The following SCAMP1 variants were observed in gnomAD, a reference collection of about 807,000 sequenced individuals.
SCAMP1 encodes secretory carrier-associated membrane protein 1.
In SCAMP1, 15 loss-of-function variants were observed where a neutral mutation model predicts 41.8. The observed-to-expected ratio is 0.36, with a 90% CI of 0.24 to 0.55. The LOEUF (loss-of-function observed/expected upper bound fraction) is 0.55. Ranked by LOEUF, SCAMP1 falls within the 20% of genes least tolerant of loss-of-function variation. SCAMP1 has a pLI of 0.86. For synonymous variants in SCAMP1, 135 were observed against 136.8 expected (o/e 0.99, Z 0.09); for missense variants, 341 against 412.6 (o/e 0.83, Z 1.50).
intron 6 of SCAMP1, among the ~76,000 whole-genome samples, chr5:78,443,753 G>T (rs1388811211): frequency 7.1e-6 from 1 of 140,856 alleles, no homozygotes. Flanking sequence ...TTATTTTCCA[G>T]GCTCAAATGA....
At chr5:78,364,247 AGT>A (rs748088477) in intron 1 of SCAMP1, among the ~76,000 whole-genome samples, 12 of 152,218 alleles carry the variant, frequency 7.9e-5, no homozygotes, top group Non-Finnish European at 1.6e-4. Flanking sequence ...TCAGCATAAG[AGT>A]GTATGGTTAA....
intron 6 of SCAMP1, among the ~76,000 whole-genome samples, chr5:78,445,121 A>G (rs1025717378): frequency 9.2e-5 from 14 of 152,354 alleles, no homozygotes; most frequent in African/African-American, 3.1e-4. Context: ...AGCAAATGGT[A>G]GTTGTAATTA....
intron 7 of SCAMP1, among the ~76,000 whole-genome samples, chr5:78,451,435 C>T (rs1048325166): frequency 2.6e-5 from 4 of 152,100 alleles, no homozygotes; most frequent in Admixed American, 6.6e-5. Context: ...CAGAGGATTC[C>T]TCATGTTGCT....
intron 6 of SCAMP1, among the ~76,000 whole-genome samples, chr5:78,445,930 G>T (rs1753041435): frequency 6.6e-6 from 1 of 152,188 alleles, no homozygotes; most frequent in Non-Finnish European, 1.5e-5. Flanking sequence ...AGAGAACTTT[G>T]AAGTGTTTTA....
At chr5:78,410,113 TTTTC>T (rs1235040028) in intron 2 of SCAMP1, among the ~76,000 whole-genome samples, 1 of 134,864 alleles carries the variant, frequency 7.4e-6, no homozygotes, top group Non-Finnish European at 1.6e-5. Flanking sequence ...CGGGAACTCT[TTTTC>T]TTTTTTTTTT....
rs1303683982 is a variant in SCAMP1 at position 78,415,553 on chromosome 5, C to T, written c.169C>T (p.Pro57Ser). The T allele has an allele frequency of 6.2e-7, 1 of 1,607,410 alleles. No homozygotes were observed. Among genetic ancestry groups the T allele is most frequent in the Non-Finnish European group, 8.5e-7 (1 of 1,176,796 alleles). Residue 57 changes from proline to serine, a missense_variant, in exon 3 of 9, where the codon CCC (proline) becomes TCC (serine). Physicochemically the swap from Pro to Ser is moderately conservative, Grantham distance 74. Transcript: ENST00000621999. ...PPGGVKMPNV[P>S]NTQPAIMKPT... Reference sequence around the variant, plus strand: ...AGGCGGTGTGAAGATGCCTAATGTACCCAATACACAACCAGCAATAATGAA... The same window carrying T: ...AGGCGGTGTGAAGATGCCTAATGTATCCAATACACAACCAGCAATAATGAA...
intron 1 of SCAMP1, 48 bp downstream of exon 1, chr5:78,360,776 T>G (rs1385556346): frequency 6.4e-7 from 1 of 1,550,762 alleles, no homozygotes; most frequent in South Asian, 1.2e-5. Context: ...CGTCGTTGTT[T>G]GTGAAAACGG....
chr5:78,469,102 G>A (rs1753812899), intron 8 of SCAMP1, among the ~76,000 whole-genome samples: 1 of 152,090 alleles, frequency 6.6e-6, no homozygotes, highest in Non-Finnish European at 1.5e-5. Context: ...AAGTGGACCT[G>A]CCCAGTTCAA....
chr5:78,461,032 G>C (rs1753598240), intron 8 of SCAMP1, among the ~76,000 whole-genome samples: 2 of 151,814 alleles, frequency 1.3e-5, no homozygotes, highest in African/African-American at 2.4e-5. Context: ...ATTTTTATAT[G>C]TTTAGTAGAG....
intron 6 of SCAMP1, among the ~76,000 whole-genome samples, chr5:78,444,771 G>C (rs1753013731): frequency 6.6e-6 from 1 of 152,200 alleles, no homozygotes; most frequent in African/African-American, 2.4e-5. Flanking sequence ...TATTACATGA[G>C]TGTAATACAG....
At chr5:78,408,990 T>G (rs1159589618) in intron 2 of SCAMP1, among the ~76,000 whole-genome samples, 1 of 152,188 alleles carries the variant, frequency 6.6e-6, no homozygotes, top group African/African-American at 2.4e-5. Flanking sequence ...CATGGAGGTA[T>G]TCCCATCATT....
chr5:78,448,236 T>C (rs190749346), intron 6 of SCAMP1, among the ~76,000 whole-genome samples: 3 of 146,530 alleles, frequency 2.0e-5, no homozygotes, highest in African/African-American at 7.6e-5. Flanking sequence ...GTCACCATGT[T>C]GCCCAGGCTC....
chr5:78,464,126 C>T (rs1188523161), intron 8 of SCAMP1, among the ~76,000 whole-genome samples: 1 of 145,756 alleles, frequency 6.9e-6, no homozygotes, highest in South Asian at 2.3e-4. Context: ...TACAGGCATG[C>T]GCCACCACAC....
rs1267492166 is a variant in SCAMP1 at position 78,415,554 on chromosome 5, C to G, written c.170C>G (p.Pro57Arg). The G allele has an allele frequency of 1.2e-6, 2 of 1,607,670 alleles. No individual in the cohort carries two copies. Among genetic ancestry groups the G allele is most frequent in the African/African-American group, 1.3e-5 (1 of 74,976 alleles). The change falls in exon 3 of 9, where the codon CCC (proline) becomes CGC (arginine). Residue 57 changes from proline (P) to arginine (R), a missense_variant. Transcript: ENST00000621999. ...GGCGGTGTGAAGATGCCTAATGTAC[C>G]CAATACACAACCAGCAATAATGAAA... is the stretch of plus-strand genomic sequence containing the variant. ...PPGGVKMPNV[P>R]NTQPAIMKPT...
In SCAMP1 at chr5:78,479,592, G is replaced by A. The variant is rs1379614988; in HGVS notation, c.*3924G>A. Among the ~76,000 whole-genome samples the A allele has an allele frequency of 1.3e-5, 2 of 152,172 alleles. No individual in the cohort carries two copies. Among genetic ancestry groups the A allele is most frequent in the Non-Finnish European group, 2.9e-5 (2 of 68,024 alleles). On this transcript the variant is annotated 3_prime_UTR_variant, in exon 9 of 9. Coordinates refer to ENST00000621999, the MANE Select transcript of SCAMP1 (RefSeq NM_004866.6). The stretch of plus-strand genomic sequence containing the variant: ...AGAAATAAATCTAGAAACTTTCTAA[G>A]CCAGGTATTGCCACTAACCTGTCTT...
intron 8 of SCAMP1, among the ~76,000 whole-genome samples, chr5:78,462,755 T>A (rs1753648300): frequency 2.0e-5 from 3 of 152,136 alleles, no homozygotes; most frequent in Non-Finnish European, 4.4e-5. Flanking sequence ...AAAAAAAAAA[T>A]CATTACATAG....
chr5:78,363,196 C>T lies in SCAMP1; in HGVS notation c.57+2468C>T, dbSNP rs116135438. Among the ~76,000 whole-genome samples, 902 of 144,816 alleles carry T rather than the reference C, an allele frequency of 6.2e-3. 4 individuals are homozygous for T. Among genetic ancestry groups the T allele is most frequent in the African/African-American group, 0.022 (850 of 39,152 alleles). Reference sequence around the variant, plus strand: ...CGGGAGCCACTGCGTTCAAGCAGATCGTTTTTCTTTCTTTCTTTCTTTCTT... The same window carrying T: ...CGGGAGCCACTGCGTTCAAGCAGATTGTTTTTCTTTCTTTCTTTCTTTCTT... On this transcript the variant is annotated intron_variant, in intron 1 of 8. Coordinates refer to ENST00000621999, the MANE Select transcript of SCAMP1 (RefSeq NM_004866.6).
At chr5:78,448,860 C>T in intron 6 of SCAMP1, among the ~76,000 whole-genome samples, 1 of 152,128 alleles carries the variant, frequency 6.6e-6, no homozygotes, top group Non-Finnish European at 1.5e-5. Flanking sequence ...ATTAGCTGGG[C>T]ATGGTGGCCC....
At chr5:78,415,670 A>T in intron 3 of SCAMP1, 52 bp downstream of exon 3, 2 of 1,126,704 alleles carry the variant, frequency 1.8e-6, no homozygotes, top group Non-Finnish European at 2.6e-6. Context: ...AATATCAATA[A>T]CATTTGCTTT....
Sources: allele counts gnomAD v4.1 joint callset (sites outside exome capture counted in the v4.1 genomes callset), GRCh38; gene constraint gnomAD v4.1.1; transcripts MANE v1.5; gene names NCBI Gene and HGNC (gene_info 2026-07-23, HGNC 2026-07-21).